WWOX: variants seen among roughly 807,000 people sequenced by gnomAD.
WWOX encodes WW domain containing oxidoreductase.
WWOX carries 69 observed loss-of-function variants against 46.2 expected under a neutral mutation model. The observed-to-expected ratio is 1.49, with a 90% CI of 1.23 to 1.82. The LOEUF is 1.82. Ranked by LOEUF, WWOX falls within the 40% of genes most tolerant of loss-of-function variation. WWOX has a pLI of 0.00. For synonymous variants in WWOX, 359 were observed against 202.6 expected (o/e 1.77, Z -6.56); for missense variants, 919 against 542.6 (o/e 1.69, Z -6.89).
intron 6 of WWOX, among the ~76,000 whole-genome samples, chr16:78,407,919 TG>T (rs2082587169): frequency 6.6e-6 from 1 of 152,174 alleles, no homozygotes; most frequent in African/African-American, 2.4e-5. Flanking sequence ...TTATGGCACA[TG>T]GTAGAAAGTG....
chr16:78,850,448 TAGAA>T (rs2052413723), intron 8 of WWOX, among the ~76,000 whole-genome samples: 1 of 152,234 alleles, frequency 6.6e-6, no homozygotes, highest in Admixed American at 6.5e-5. Flanking sequence ...TGTCAAGTGA[TAGAA>T]AGTCCTTATA....
At chr16:78,132,249 A>T (rs1379012130) in intron 4 of WWOX, among the ~76,000 whole-genome samples, 1 of 150,046 alleles carries the variant, frequency 6.7e-6, no homozygotes, top group East Asian at 2.0e-4. Context: ...GATGGTCTTG[A>T]TCTCCTGACC....
At chr16:79,208,641 T>TTTTA (rs1555547023) in intron 8 of WWOX, among the ~76,000 whole-genome samples, 1 of 151,458 alleles carries the variant, frequency 6.6e-6, no homozygotes, top group Non-Finnish European at 1.5e-5. Context: ...ATTTTTTTTT[T>TTTTA]AATCAGTTTA....
At chr16:78,195,122 C>A (rs1011440421) in intron 5 of WWOX, among the ~76,000 whole-genome samples, 1 of 152,186 alleles carries the variant, frequency 6.6e-6, no homozygotes, top group Non-Finnish European at 1.5e-5. Context: ...TGTTCCATCC[C>A]CAGTTCCTTG....
intron 8 of WWOX, among the ~76,000 whole-genome samples, chr16:78,726,919 C>G (rs557597768): frequency 2.0e-5 from 3 of 152,266 alleles, no homozygotes; most frequent in South Asian, 2.1e-4. Context: ...GTGGGTGGCT[C>G]TAACCTGTTA....
intron 8 of WWOX, among the ~76,000 whole-genome samples, chr16:78,678,317 A>C (rs1567484166): frequency 6.6e-6 from 1 of 152,212 alleles, no homozygotes; most frequent in Non-Finnish European, 1.5e-5. Context: ...TCAAGGCTGC[A>C]GTAGGGTATG....
rs572899292 is a variant in WWOX at position 78,758,311 on chromosome 16, G to T, written c.1056+325559G>T. Among the ~76,000 whole-genome samples, 36 of 152,300 alleles carry T rather than the reference G, an allele frequency of 2.4e-4. 1 individual carries two copies. The South Asian group carries it at 6.8e-3, about 29-fold the overall frequency. The stretch of plus-strand genomic sequence containing the variant: ...TTGTGTTCTCTTTGGGCAAATGGAA[G>T]ATGAGCCACTTGTAGAGAGGTATTA... On this transcript the variant is annotated intron_variant, in intron 8 of 8. Transcript: ENST00000566780.
At chr16:79,059,295 C>G (rs1431578002) in intron 8 of WWOX, among the ~76,000 whole-genome samples, 1 of 152,054 alleles carries the variant, frequency 6.6e-6, no homozygotes. Flanking sequence ...ATGTTGAAGT[C>G]CTTAATCTAG....
At chr16:79,011,151 AC>A (rs1176011588) in intron 8 of WWOX, among the ~76,000 whole-genome samples, 4 of 128,940 alleles carry the variant, frequency 3.1e-5, no homozygotes, top group African/African-American at 1.1e-4. Flanking sequence ...ACACACACAC[AC>A]ACACACACAC....
chr16:78,870,326 C>G (rs1018311014), intron 8 of WWOX, among the ~76,000 whole-genome samples: 3 of 152,156 alleles, frequency 2.0e-5, no homozygotes, highest in African/African-American at 4.8e-5. Context: ...TTCTAAGAAT[C>G]ATAAGTTTTT....
At chr16:78,745,377 A>C (rs1472401948) in intron 8 of WWOX, among the ~76,000 whole-genome samples, 2 of 152,076 alleles carry the variant, frequency 1.3e-5, no homozygotes, top group African/African-American at 4.8e-5. Context: ...GAAAAACATG[A>C]GCATATTTTT....
At chr16:78,156,799 C>T (rs1055093453) in intron 4 of WWOX, among the ~76,000 whole-genome samples, 2 of 152,266 alleles carry the variant, frequency 1.3e-5, no homozygotes, top group South Asian at 2.1e-4. Context: ...TGGCACGCGC[C>T]TGTAATCCCA....
intron 8 of WWOX, among the ~76,000 whole-genome samples, chr16:78,874,124 C>T (rs1170570257): frequency 1.3e-5 from 2 of 151,830 alleles, no homozygotes; most frequent in African/African-American, 4.8e-5. Context: ...GGCATGGTGG[C>T]ACACGTCTGT....
intron 5 of WWOX, among the ~76,000 whole-genome samples, chr16:78,359,462 T>C (rs568416641): frequency 2.6e-5 from 4 of 152,250 alleles, no homozygotes; most frequent in African/African-American, 7.2e-5. Flanking sequence ...AGAAAACATA[T>C]AAAGGATCGA....
intron 7 of WWOX, among the ~76,000 whole-genome samples, chr16:78,430,609 A>C (rs1426039839): frequency 6.6e-6 from 1 of 152,118 alleles, no homozygotes; most frequent in Non-Finnish European, 1.5e-5. Context: ...TATATTTTCA[A>C]ATTGCCTGCT....
intron 8 of WWOX, among the ~76,000 whole-genome samples, chr16:79,052,766 A>G (rs1327398421): frequency 1.3e-5 from 2 of 152,230 alleles, no homozygotes; most frequent in Non-Finnish European, 2.9e-5. Context: ...GCAGAAAGTA[A>G]AAATGGCCTT....
intron 8 of WWOX, among the ~76,000 whole-genome samples, chr16:78,711,391 A>G (rs1418313014): frequency 1.3e-5 from 2 of 152,222 alleles, no homozygotes; most frequent in African/African-American, 2.4e-5. Context: ...GCCACTGTAT[A>G]TGCTTTGGAG....
chr16:78,937,828 A>T (rs540211495), intron 8 of WWOX, among the ~76,000 whole-genome samples: 3 of 148,994 alleles, frequency 2.0e-5, no homozygotes, highest in Non-Finnish European at 3.0e-5. Flanking sequence ...TGTTTTTACT[A>T]TGTTGGCCAG....
intron 4 of WWOX, among the ~76,000 whole-genome samples, chr16:78,125,117 G>A (rs1041196088): frequency 2.0e-5 from 3 of 152,134 alleles, no homozygotes; most frequent in African/African-American, 2.4e-5. Context: ...TTACAGATTC[G>A]TATTTATTGA....
Sources: allele counts gnomAD v4.1 joint callset (sites outside exome capture counted in the v4.1 genomes callset), GRCh38; gene constraint gnomAD v4.1.1; transcripts MANE v1.5; gene names NCBI Gene and HGNC (gene_info 2026-07-23, HGNC 2026-07-21).